The following EXOC2 variants were observed in gnomAD, a reference collection of about 807,000 sequenced individuals.
EXOC2 encodes the protein exocyst complex component 2.
In EXOC2, 70 loss-of-function variants were observed where a neutral mutation model predicts 131.8. The observed-to-expected ratio is 0.53, with a 90% CI of 0.44 to 0.65. The LOEUF is 0.65. EXOC2 is among the 30% of genes least tolerant of loss of function. The pLI is 0.00. For synonymous variants in EXOC2, 411 were observed against 398.4 expected (o/e 1.03, Z -0.38); for missense variants, 923 against 1,108.6 (o/e 0.83, Z 2.38).
At chr6:565,350 C>CT (rs1757917575) in intron 13 of EXOC2, among the ~76,000 whole-genome samples, 1 of 152,164 alleles carries the variant, frequency 6.6e-6, no homozygotes, top group Non-Finnish European at 1.5e-5. Context: ...GTTTTAAATA[C>CT]TATAAACTAT....
chr6:658,645 T>TTTTA (rs1223267048), intron 1 of EXOC2, among the ~76,000 whole-genome samples: 12 of 118,342 alleles, frequency 1.0e-4, no homozygotes, highest in South Asian at 3.1e-4. Flanking sequence ...TATATATATT[T>TTTTA]TATATATATA....
chr6:543,899 G>C (rs1170639462), intron 22 of EXOC2, among the ~76,000 whole-genome samples: 1 of 152,194 alleles, frequency 6.6e-6, no homozygotes, highest in Non-Finnish European at 1.5e-5. Context: ...GAAGGTATCA[G>C]AATGACATGC....
intron 23 of EXOC2, among the ~76,000 whole-genome samples, chr6:515,800 A>G (rs1190774598): frequency 1.3e-5 from 2 of 152,156 alleles, no homozygotes; most frequent in African/African-American, 4.8e-5. Flanking sequence ...GATTTCCAAC[A>G]ACAAAGGAGA....
intron 22 of EXOC2, among the ~76,000 whole-genome samples, chr6:547,121 C>A (rs1330599853): frequency 6.6e-6 from 1 of 152,120 alleles, no homozygotes; most frequent in African/African-American, 2.4e-5. Context: ...TTTCATGCAC[C>A]AAATAAAAGT....
Position 576,816 on chromosome 6 carries a change from T to C in EXOC2, c.1259A>G (p.His420Arg). 1.2e-6 allele frequency: 2 copies of C among 1,614,156 alleles called. No homozygotes were observed. Among genetic ancestry groups the C allele is most frequent in the Non-Finnish European group, 1.7e-6 (2 of 1,180,018 alleles). ...CTTCAGGGACGCTGTCTGACTGAGA[T>C]GGCCCAACACTGAGGGACGTGTATC... Reference protein sequence around the residue: ...DNDTRPSVLGHLSQTASLKRG... With the variant: ...DNDTRPSVLGRLSQTASLKRG... Residue 420 changes from histidine to arginine, a missense_variant, in exon 12 of 28, where the codon CAT becomes CGT. His to Arg is a conservative substitution (Grantham distance 29, BLOSUM62 0). Coordinates refer to ENST00000230449, the MANE Select transcript of EXOC2 (RefSeq NM_018303.6).
At chr6:671,439 T>C (rs1763865950) in intron 1 of EXOC2, among the ~76,000 whole-genome samples, 1 of 151,582 alleles carries the variant, frequency 6.6e-6, no homozygotes, top group African/African-American at 2.4e-5. Flanking sequence ...AGCATGAATG[T>C]GGGGTGTAGG....
intron 17 of EXOC2, among the ~76,000 whole-genome samples, chr6:560,271 G>T (rs746535174): frequency 3.9e-5 from 6 of 152,178 alleles, no homozygotes; most frequent in Non-Finnish European, 8.8e-5. Context: ...TACAGACTAA[G>T]ACTCTAGGGT....
chr6:591,716 A>G (rs1003832585), intron 11 of EXOC2, among the ~76,000 whole-genome samples: 2 of 152,176 alleles, frequency 1.3e-5, no homozygotes, highest in Non-Finnish European at 2.9e-5. Context: ...TGTCCTGACT[A>G]CTGTGACTTT....
chr6:683,844 T>C (rs946418490), intron 1 of EXOC2, among the ~76,000 whole-genome samples: 1 of 152,188 alleles, frequency 6.6e-6, no homozygotes, highest in Admixed American at 6.5e-5. Context: ...AACAGTGCCG[T>C]TAACATTTCT....
At chr6:611,329 T>C (rs1404147587) in intron 6 of EXOC2, among the ~76,000 whole-genome samples, 1 of 152,206 alleles carries the variant, frequency 6.6e-6, no homozygotes, top group Non-Finnish European at 1.5e-5. Context: ...CCACTGCAGC[T>C]GCACCGAGTG....
chr6:587,322 G>A lies in EXOC2; in HGVS notation c.1192+5147C>T, dbSNP rs1450855724. Reference sequence around the variant, plus strand: ...TGCAGTGGCACAATCTGGGCTCAGTGCAAGCTCCGCCTCCCAGGTTCCTGC... The same window carrying A: ...TGCAGTGGCACAATCTGGGCTCAGTACAAGCTCCGCCTCCCAGGTTCCTGC... On this transcript the variant is annotated intron_variant, in intron 11 of 27. Transcript: ENST00000230449. 2.6e-5 allele frequency among the ~76,000 whole-genome samples: 4 copies of A among 151,654 alleles called. No homozygotes were observed. In the East Asian group the frequency reaches 7.8e-4, roughly 29 times the overall value.
intron 10 of EXOC2, among the ~76,000 whole-genome samples, chr6:597,522 CTTTA>C (rs1001512010): frequency 2.0e-5 from 3 of 152,170 alleles, no homozygotes; most frequent in African/African-American, 4.8e-5. Flanking sequence ...CACTTAGTGA[CTTTA>C]TTTCTCTTTC....
At chr6:613,891 T>C (rs1013617553) in intron 6 of EXOC2, among the ~76,000 whole-genome samples, 3 of 151,304 alleles carry the variant, frequency 2.0e-5, no homozygotes, top group African/African-American at 7.3e-5. Context: ...TTTAAATAAA[T>C]AAATAAATAA....
intron 23 of EXOC2, among the ~76,000 whole-genome samples, chr6:526,102 T>G (rs576675621): frequency 6.6e-6 from 1 of 152,336 alleles, no homozygotes; most frequent in African/African-American, 2.4e-5. Context: ...GACACAAAAT[T>G]TCTAAGTAAA....
chr6:591,085 A>G (rs1281325333), intron 11 of EXOC2, among the ~76,000 whole-genome samples: 1 of 152,062 alleles, frequency 6.6e-6, no homozygotes, highest in African/African-American at 2.4e-5. Context: ...TATCAGTTCT[A>G]TTCCTGAACG....
intron 11 of EXOC2, among the ~76,000 whole-genome samples, chr6:577,334 C>T (rs1758638802): frequency 6.6e-6 from 1 of 152,172 alleles, no homozygotes; most frequent in African/African-American, 2.4e-5. Context: ...TTTCTTGATG[C>T]CAGTCATCTA....
At chr6:486,939 G>C (rs1257746922) in intron 27 of EXOC2, among the ~76,000 whole-genome samples, 175 bp from the exon 28 acceptor site, 1 of 147,198 alleles carries the variant, frequency 6.8e-6, no homozygotes, top group Non-Finnish European at 1.5e-5. Flanking sequence ...CAAAGAAGTT[G>C]ATCAAATAGG....
chr6:652,707 G>A (rs1444397360), intron 1 of EXOC2, among the ~76,000 whole-genome samples: 1 of 152,112 alleles, frequency 6.6e-6, no homozygotes, highest in Non-Finnish European at 1.5e-5. Context: ...GGGGCTGGGG[G>A]TGGGGAAGGG....
At chr6:652,599 G>A (rs1242913063) in intron 1 of EXOC2, among the ~76,000 whole-genome samples, 2 of 151,998 alleles carry the variant, frequency 1.3e-5, no homozygotes, top group East Asian at 3.9e-4. Context: ...CCCTGAGACT[G>A]TTCATCACTA....
Sources: gnomAD v4.1 joint callset for allele counts (sites outside exome capture counted in the v4.1 genomes callset) on GRCh38, gnomAD v4.1.1 for gene constraint, MANE v1.5 for transcripts, NCBI Gene and HGNC (gene_info 2026-07-23, HGNC 2026-07-21) for gene names.